The following DCN variants were observed in gnomAD, a reference collection of about 807,000 sequenced individuals.
The protein encoded by DCN is decorin.
A neutral mutation model predicts 36.5 loss-of-function variants in DCN; 17 were observed. The ratio of observed to expected loss-of-function variants is 0.47; its 90% confidence interval spans 0.32 to 0.70. The LOEUF is 0.70. Ranked by LOEUF, DCN falls within the 30% of genes least tolerant of loss-of-function variation. The probability of loss-of-function intolerance (pLI) is 0.04; values close to 1 mark genes in which losing one functional copy is unlikely to be tolerated. For missense variants in DCN, 389 were observed against 430.1 expected, an observed-to-expected ratio of 0.90 and a Z score of 0.84; for synonymous variants, 163 against 161.4, an observed-to-expected ratio of 1.01 and a Z score of -0.07.
intron 2 of DCN, among the ~76,000 whole-genome samples, chr12:91,170,199 C>T (rs892570393): frequency 6.6e-6 from 1 of 152,120 alleles, no homozygotes; most frequent in East Asian, 1.9e-4. Flanking sequence ...TACCATAGTG[C>T]ATAGCAGCGT....
intron 1 of DCN, chr12:91,182,424 CTT>C (rs1868439725): frequency 6.6e-6 from 1 of 151,984 alleles, no homozygotes; most frequent in South Asian, 2.1e-4. Context: ...TAAGAAGCAT[CTT>C]TGCAAAAACA....
chr12:91,167,122 CT>C (rs558985404), intron 2 of DCN, among the ~76,000 whole-genome samples: 1 of 151,824 alleles, frequency 6.6e-6, no homozygotes, highest in African/African-American at 2.4e-5. Context: ...TCCAGCATGA[CT>C]TTTTTTTCTG....
At chr12:91,178,224 A>G (rs1307803403) in intron 2 of DCN, 118 bp downstream of exon 2, 2 of 874,212 alleles carry the variant, frequency 2.3e-6, no homozygotes, top group African/African-American at 3.3e-5. Context: ...ACTCCTCATT[A>G]GGTGGCACTG....
At chr12:91,174,795 G>T (rs1883188981) in intron 2 of DCN, among the ~76,000 whole-genome samples, 2 of 152,036 alleles carry the variant, frequency 1.3e-5, no homozygotes, top group South Asian at 4.1e-4. Flanking sequence ...TTGTTTATAA[G>T]AAATACATCA....
intron 2 of DCN, among the ~76,000 whole-genome samples, chr12:91,168,439 CTTTG>C (rs998555500): frequency 2.0e-5 from 3 of 152,124 alleles, no homozygotes; most frequent in African/African-American, 7.2e-5. Flanking sequence ...ATTTCAGGGT[CTTTG>C]TTTGTTTTGT....
At chr12:91,167,682 G>T (rs1312824837) in intron 2 of DCN, among the ~76,000 whole-genome samples, 1 of 152,136 alleles carries the variant, frequency 6.6e-6, no homozygotes, top group Non-Finnish European at 1.5e-5. Flanking sequence ...AGAAATCAGA[G>T]AATTTTAAGG....
intron 6 of DCN, 100 bp from the exon 7 acceptor site, chr12:91,151,892 T>C: frequency 7.2e-7 from 1 of 1,379,930 alleles, no homozygotes; most frequent in Non-Finnish European, 1.0e-6. Flanking sequence ...ACATTTTTTG[T>C]TTTTGCACTT....
chr12:91,151,512 G>A (rs1053518205), intron 7 of DCN, 142 bp downstream of exon 7: 7 of 836,458 alleles, frequency 8.4e-6, no homozygotes, highest in Non-Finnish European at 1.4e-5. Flanking sequence ...TTTTTTTTAT[G>A]GTATTTTGTC....
rs200251470 is a variant in DCN at position 91,143,899 on chromosome 12, T to TG, written c.*2158dup. On this transcript the variant is annotated 3_prime_UTR_variant, in exon 8 of 8. Transcript: ENST00000052754. ...ATATGTGTGTGTATATATATAAATA[T>TG]GGGGGGAAGTTGTGTTGACAAGAGT... is the stretch of plus-strand genomic sequence containing the variant. The TG allele has an allele frequency of 2.0e-5, 3 of 150,682 alleles. No homozygotes were observed. Among genetic ancestry groups the TG allele is most frequent in the Non-Finnish European group, 3.0e-5 (2 of 67,774 alleles). The allele number at this position is 150,682 out of a possible 1,614,324, so 9.3% of individuals were successfully genotyped here. A position where few individuals can be genotyped will look rare whatever the true frequency, so the allele number is the denominator to read the frequency against.
chr12:91,177,793 A>G (rs975192846), intron 2 of DCN: 1 of 676,838 alleles, frequency 1.5e-6, no homozygotes, highest in Non-Finnish European at 2.7e-6. Context: ...AGACAAAACT[A>G]AGACTCAGAG....
intron 3 of DCN, among the ~76,000 whole-genome samples, chr12:91,160,887 A>G (rs1333390811): frequency 6.6e-6 from 1 of 152,178 alleles, no homozygotes; most frequent in Non-Finnish European, 1.5e-5. Context: ...TTCCCACTAT[A>G]TATAGGTATA....
chr12:91,180,997 A>C (rs1868372796), intron 1 of DCN: 2 of 152,174 alleles, frequency 1.3e-5, no homozygotes, highest in Non-Finnish European at 2.9e-5. Flanking sequence ...TGAGAGAAAT[A>C]GTATTATAAT....
chr12:91,149,572 A>G lies in DCN; in HGVS notation c.885+2082T>C, dbSNP rs375381506. Among the ~76,000 whole-genome samples, 4 of 152,288 alleles carry G rather than the reference A, an allele frequency of 2.6e-5. No individual in the cohort carries two copies. In the East Asian group the frequency reaches 7.7e-4, roughly 29 times the overall value. On this transcript the variant is annotated intron_variant, in intron 7 of 7. Coordinates refer to ENST00000052754, the MANE Select transcript of DCN (RefSeq NM_001920.5). Reference sequence around the variant, plus strand: ...TGTCTAATTTCATCACCTTTGTTCAACATTGCACTGGCGATTCCAGCCAAT... The same window carrying G: ...TGTCTAATTTCATCACCTTTGTTCAGCATTGCACTGGCGATTCCAGCCAAT...
chr12:91,160,102 A>G (rs1882066177), intron 3 of DCN, among the ~76,000 whole-genome samples: 1 of 152,132 alleles, frequency 6.6e-6, no homozygotes, highest in African/African-American at 2.4e-5. Flanking sequence ...GTTGATTGAT[A>G]CACAATTCTA....
chr12:91,161,670 C>T (rs906074428), intron 3 of DCN, among the ~76,000 whole-genome samples: 1 of 152,178 alleles, frequency 6.6e-6, no homozygotes, highest in Admixed American at 6.5e-5. Context: ...TCAGCTGTTT[C>T]TTTCACTCTA....
In DCN at chr12:91,169,250, A is replaced by T. The variant is rs150794842; in HGVS notation, c.212-4533T>A. Among the ~76,000 whole-genome samples, 411 of 151,804 alleles carry T rather than the reference A, an allele frequency of 2.7e-3. 1 individual carries two copies. The highest frequency in any genetic ancestry group is 4.0e-3 in the Non-Finnish European group (274 of 67,938). ...CATCTTTACAAAAAATTAGCTGAGC[A>T]TGGTGGCACAAGCCTGTAGTCCCAT... On this transcript the variant is annotated intron_variant, in intron 2 of 7. Transcript: ENST00000052754.
intron 2 of DCN, among the ~76,000 whole-genome samples, chr12:91,168,904 T>C (rs1181835557): frequency 6.6e-6 from 1 of 152,226 alleles, no homozygotes; most frequent in African/African-American, 2.4e-5. Flanking sequence ...ATAGAGTGAC[T>C]ACTCCAGCAG....
intron 2 of DCN, chr12:91,177,840 T>C (rs947086349): frequency 3.3e-6 from 2 of 597,924 alleles, no homozygotes; most frequent in East Asian, 3.3e-5. Context: ...AGATAAGATT[T>C]TGTCATAAAA....
chr12:91,176,160 A>G (rs1883275659), intron 2 of DCN: 1 of 152,114 alleles, frequency 6.6e-6, no homozygotes, highest in South Asian at 2.1e-4. Flanking sequence ...GAGATAGCTG[A>G]TTAAAACTTT....
Sources: gnomAD v4.1 joint callset for allele counts (sites outside exome capture counted in the v4.1 genomes callset) on GRCh38, gnomAD v4.1.1 for gene constraint, MANE v1.5 for transcripts, NCBI Gene and HGNC (gene_info 2026-07-23, HGNC 2026-07-21) for gene names.